FAM168A: variants seen among roughly 807,000 people sequenced by gnomAD.
The protein encoded by FAM168A is family with sequence similarity 168 member A, also known as protein FAM168A.
Under a neutral mutation model 28.5 loss-of-function variants are expected in FAM168A, and 3 were observed. The ratio of observed to expected loss-of-function variants is 0.11; its 90% CI spans 0.05 to 0.27. The LOEUF (loss-of-function observed/expected upper bound fraction) is 0.27, where lower values mean the gene tolerates loss of function less well. FAM168A is among the 10% of genes least tolerant of loss of function. The pLI is 1.00. For synonymous variants in FAM168A, 122 were observed against 124.2 expected (o/e 0.98, Z 0.12); for missense variants, 222 against 311.5 (o/e 0.71, Z 2.16).
intron 1 of FAM168A, among the ~76,000 whole-genome samples, chr11:73,532,108 T>C (rs60203229): frequency 0.084 from 12,761 of 151,854 alleles, 627 homozygotes; most frequent in Admixed American, 0.11. Context: ...CCACCATGCC[T>C]GGCCCCAAGT....
chr11:73,496,583 C>T (rs1199483203), intron 1 of FAM168A, among the ~76,000 whole-genome samples: 2 of 152,120 alleles, frequency 1.3e-5, no homozygotes, highest in South Asian at 4.1e-4. Flanking sequence ...TTTTTTGAGA[C>T]GGAGTCTCAC....
At chr11:73,563,159 T>TG (rs1189568707) in intron 1 of FAM168A, among the ~76,000 whole-genome samples, 2 of 152,168 alleles carry the variant, frequency 1.3e-5, no homozygotes, top group Non-Finnish European at 2.9e-5. Context: ...CCCCATCAGG[T>TG]ATTTACTTGA....
chr11:73,449,971 T>C (rs1350035925), intron 2 of FAM168A, among the ~76,000 whole-genome samples: 2 of 152,236 alleles, frequency 1.3e-5, no homozygotes, highest in East Asian at 3.8e-4. Context: ...ACCTTCCCCA[T>C]CAGCTGAGCA....
At chr11:73,584,497 G>A (rs1279850714) in intron 1 of FAM168A, among the ~76,000 whole-genome samples, 1 of 122,332 alleles carries the variant, frequency 8.2e-6, no homozygotes. Context: ...TTTTTGAGAC[G>A]GAGTCTTGCT....
chr11:73,575,372 C>T (rs1200313117), intron 1 of FAM168A, among the ~76,000 whole-genome samples: 1 of 152,168 alleles, frequency 6.6e-6, no homozygotes, highest in Non-Finnish European at 1.5e-5. Context: ...TTTGAGCCAA[C>T]TGCTGTAATA....
At chr11:73,443,111 T>C (rs1867234481) in intron 2 of FAM168A, among the ~76,000 whole-genome samples, 2 of 151,312 alleles carry the variant, frequency 1.3e-5, no homozygotes, top group South Asian at 4.2e-4. Context: ...ACTTATTTTA[T>C]CATCCCAAAG....
chr11:73,530,878 A>T (rs1022176056), intron 1 of FAM168A, among the ~76,000 whole-genome samples: 2 of 152,188 alleles, frequency 1.3e-5, no homozygotes, highest in Admixed American at 1.3e-4. Context: ...TGACCTGCCC[A>T]AAGTCACACA....
At chr11:73,428,858 C>T (rs1207312413) in intron 3 of FAM168A, among the ~76,000 whole-genome samples, 4 of 152,208 alleles carry the variant, frequency 2.6e-5, no homozygotes, top group Admixed American at 6.5e-5. Context: ...GCAATGACTA[C>T]AGCTTCCTCA....
At chr11:73,438,293 T>C (rs1325222157) in intron 2 of FAM168A, among the ~76,000 whole-genome samples, 1 of 152,226 alleles carries the variant, frequency 6.6e-6, no homozygotes, top group Non-Finnish European at 1.5e-5. Flanking sequence ...CTGAAAGTGT[T>C]ATCAGAATGC....
intron 2 of FAM168A, among the ~76,000 whole-genome samples, chr11:73,454,062 G>C (rs1046784440): frequency 7.9e-5 from 12 of 152,206 alleles, no homozygotes; most frequent in Non-Finnish European, 1.6e-4. Flanking sequence ...AGAAGCTCCA[G>C]AGAAAGAAGC....
chr11:73,546,629 G>C (rs1000330506), intron 1 of FAM168A, among the ~76,000 whole-genome samples: 3 of 152,028 alleles, frequency 2.0e-5, no homozygotes, highest in African/African-American at 7.3e-5. Context: ...CTACTCAGGA[G>C]GCTGAGGCAG....
intron 1 of FAM168A, chr11:73,580,318 G>A (rs1431123720): frequency 1.7e-6 from 1 of 572,638 alleles, no homozygotes; most frequent in East Asian, 4.5e-5. Flanking sequence ...GAACCACAGA[G>A]AAGATCCACA....
intron 1 of FAM168A, among the ~76,000 whole-genome samples, chr11:73,567,262 G>T (rs930683701): frequency 6.6e-6 from 1 of 152,114 alleles, no homozygotes; most frequent in Admixed American, 6.5e-5. Context: ...TCAAATTTCC[G>T]GCTTGAGTGA....
At chr11:73,447,955 T>C (rs932336968) in intron 2 of FAM168A, among the ~76,000 whole-genome samples, 11 of 152,262 alleles carry the variant, frequency 7.2e-5, no homozygotes, top group Non-Finnish European at 2.9e-5. Flanking sequence ...CTATCTCTTA[T>C]ATAAAACGGG....
At chr11:73,556,425 A>AAT (rs1943890277) in intron 1 of FAM168A, among the ~76,000 whole-genome samples, 1 of 151,104 alleles carries the variant, frequency 6.6e-6, no homozygotes, top group Non-Finnish European at 1.5e-5. Context: ...ATAATAATTT[A>AAT]AATAATTAAA....
At chr11:73,407,727 T>C (rs1866533386) in intron 6 of FAM168A, 84 bp from the exon 7 acceptor site, 5 of 1,154,018 alleles carry the variant, frequency 4.3e-6, no homozygotes, top group South Asian at 4.1e-5. Context: ...GTCTTTCACA[T>C]GGCTGCTCCC....
rs1262899644 is a variant in FAM168A at position 73,404,509 on chromosome 11, C to T, written c.*2254G>A. On this transcript the variant is annotated 3_prime_UTR_variant, in exon 8 of 8. Transcript: ENST00000356467. Reference sequence around the variant, plus strand: ...GACATAATCTAGAACAACCTTCACCCACCTTTACAAAACCAAAGAGGGTGG... The same window carrying T: ...GACATAATCTAGAACAACCTTCACCTACCTTTACAAAACCAAAGAGGGTGG... 2 of 152,192 alleles carry T rather than the reference C, an allele frequency of 1.3e-5. No individual in the cohort carries two copies. Among genetic ancestry groups the T allele is most frequent in the African/African-American group, 2.4e-5 (1 of 41,440 alleles). The allele number at this position is 152,192 out of a possible 1,614,324, so 9.4% of individuals were successfully genotyped here.
At chr11:73,576,764 T>G (rs1300336655) in intron 1 of FAM168A, among the ~76,000 whole-genome samples, 1 of 152,158 alleles carries the variant, frequency 6.6e-6, no homozygotes, top group Admixed American at 6.5e-5. Flanking sequence ...GGGAAGAATC[T>G]GAACTCAGCA....
intron 3 of FAM168A, chr11:73,425,057 T>C (rs778985944): frequency 5.9e-6 from 9 of 1,526,218 alleles, no homozygotes; most frequent in African/African-American, 4.1e-5. Flanking sequence ...CTCTGTTGGA[T>C]AGAAATGTTA....
Sources: gnomAD v4.1 joint callset for allele counts (sites outside exome capture counted in the v4.1 genomes callset) on GRCh38, gnomAD v4.1.1 for gene constraint, MANE v1.5 for transcripts, NCBI Gene and HGNC (gene_info 2026-07-23, HGNC 2026-07-21) for gene names.